Variants in FHOD3 observed in about 807,000 individuals in gnomAD.
The protein encoded by FHOD3 is FH1/FH2 domain-containing protein 3.
FHOD3 carries 90 observed loss-of-function variants against 173.0 expected under a neutral mutation model. The observed-to-expected ratio is 0.52, with a 90% confidence interval of 0.44 to 0.62. The LOEUF (loss-of-function observed/expected upper bound fraction) is 0.62. FHOD3 is among the 20% of genes least tolerant of loss of function. The pLI is 0.00. For synonymous variants in FHOD3, 828 were observed against 823.0 expected (o/e 1.01, Z -0.10); for missense variants, 1,945 against 2,034.7 (o/e 0.96, Z 0.85).
At chr18:36,357,610 C>G (rs936682318) in intron 2 of FHOD3, among the ~76,000 whole-genome samples, 1 of 152,214 alleles carries the variant, frequency 6.6e-6, no homozygotes, top group African/African-American at 2.4e-5. Flanking sequence ...CCAGATTCTA[C>G]TTATTGCTAT....
At chr18:36,599,289 C>G (rs185254164) in intron 7 of FHOD3, among the ~76,000 whole-genome samples, 2 of 152,164 alleles carry the variant, frequency 1.3e-5, no homozygotes, top group Non-Finnish European at 2.9e-5. Flanking sequence ...ACTAATCTGG[C>G]TCAGCAGAGC....
intron 3 of FHOD3, among the ~76,000 whole-genome samples, chr18:36,453,580 G>A (rs1483407673): frequency 6.6e-6 from 1 of 152,240 alleles, no homozygotes; most frequent in East Asian, 1.9e-4. Context: ...CCCCTGTGGG[G>A]ACATGAATGT....
At chr18:36,713,733 A>G (rs2040298263) in intron 18 of FHOD3, among the ~76,000 whole-genome samples, 1 of 152,218 alleles carries the variant, frequency 6.6e-6, no homozygotes, top group Admixed American at 6.5e-5. Context: ...AATTATATGA[A>G]TGTATTAAAT....
rs71168234 is a variant in FHOD3 at position 36,568,326 on chromosome 18, C to CAAA, written c.512-8086_512-8084dup. 8.3e-4 allele frequency among the ~76,000 whole-genome samples: 20 copies of CAAA among 24,064 alleles called. 4 individuals are homozygous for CAAA. Among genetic ancestry groups the CAAA allele is most frequent in the South Asian group, 2.7e-3 (2 of 734 alleles). The allele number at this position is 24,064 out of a possible 152,430, so 15.8% of individuals were successfully genotyped here. The stretch of plus-strand genomic sequence containing the variant: ...CTGGGCGACAGAGCAGACTCTGTCT[C>CAAA]AAAAAAAAAAAAAAAAAAAAAAAAA... On this transcript the variant is annotated intron_variant, in intron 5 of 28. Coordinates refer to ENST00000590592, the MANE Select transcript of FHOD3 (RefSeq NM_001281740.3).
At chr18:36,563,157 T>C (rs1361223691) in intron 5 of FHOD3, among the ~76,000 whole-genome samples, 1 of 152,220 alleles carries the variant, frequency 6.6e-6, no homozygotes, top group Non-Finnish European at 1.5e-5. Context: ...GTTGAAATCC[T>C]AAATAGAGAG....
At chr18:36,742,596 A>G (rs1360406790) in intron 21 of FHOD3, 141 bp from the exon 22 acceptor site, 9 of 897,120 alleles carry the variant, frequency 1.0e-5, no homozygotes, top group Non-Finnish European at 1.5e-5. Context: ...ACGTTTCCAT[A>G]CCTAGGAGCA....
intron 28 of FHOD3, among the ~76,000 whole-genome samples, chr18:36,770,396 A>G (rs1429270431): frequency 6.6e-6 from 1 of 152,200 alleles, no homozygotes; most frequent in Non-Finnish European, 1.5e-5. Flanking sequence ...GGAGGTGACC[A>G]GGGTGTGGCC....
chr18:36,444,210 AAAG>A (rs2051331923), intron 3 of FHOD3, among the ~76,000 whole-genome samples: 1 of 151,590 alleles, frequency 6.6e-6, no homozygotes, highest in Non-Finnish European at 1.5e-5. Flanking sequence ...AAAAAAAAAA[AAAG>A]AATTGTAAAT....
intron 3 of FHOD3, among the ~76,000 whole-genome samples, chr18:36,466,266 G>A (rs530585296): frequency 3.3e-5 from 5 of 152,212 alleles, no homozygotes; most frequent in Admixed American, 2.6e-4. Flanking sequence ...TCTGGGTTTC[G>A]CTATGAAACC....
chr18:36,576,593 T>G (rs1016830321), intron 6 of FHOD3, 48 bp downstream of exon 6: 2 of 1,446,794 alleles, frequency 1.4e-6, no homozygotes, highest in Admixed American at 2.0e-5. Flanking sequence ...TCATATCACT[T>G]GCCTTTCTTT....
At chr18:36,675,917 TCTA>T (rs1284714344) in intron 14 of FHOD3, among the ~76,000 whole-genome samples, 1 of 152,194 alleles carries the variant, frequency 6.6e-6, no homozygotes, top group Non-Finnish European at 1.5e-5. Flanking sequence ...GTTTCTGAAT[TCTA>T]GAACTGGATC....
At chr18:36,503,000 G>T (rs2055119324) in intron 4 of FHOD3, among the ~76,000 whole-genome samples, 1 of 152,134 alleles carries the variant, frequency 6.6e-6, no homozygotes, top group Non-Finnish European at 1.5e-5. Context: ...ATTGGCAGAT[G>T]GTTAATTTCC....
intron 2 of FHOD3, among the ~76,000 whole-genome samples, chr18:36,369,906 G>A (rs985329797): frequency 6.6e-6 from 1 of 152,130 alleles, no homozygotes; most frequent in African/African-American, 2.4e-5. Context: ...GGTGACCGTG[G>A]AATCAGATTC....
intron 3 of FHOD3, among the ~76,000 whole-genome samples, chr18:36,423,430 A>G (rs2050089198): frequency 1.3e-5 from 2 of 152,210 alleles, no homozygotes; most frequent in South Asian, 4.1e-4. Flanking sequence ...CACAAAAGCA[A>G]GGTCATCTAA....
chr18:36,436,319 AT>A (rs923402182), intron 3 of FHOD3, among the ~76,000 whole-genome samples: 2 of 152,030 alleles, frequency 1.3e-5, no homozygotes, highest in Admixed American at 6.6e-5. Flanking sequence ...CAGATTGTTG[AT>A]TTTTTTTATT....
chr18:36,737,265 A>T (rs566662465), intron 20 of FHOD3, among the ~76,000 whole-genome samples: 2 of 152,366 alleles, frequency 1.3e-5, no homozygotes, highest in South Asian at 4.1e-4. Context: ...TCACAGGAAG[A>T]TGTCTTCTGA....
intron 11 of FHOD3, among the ~76,000 whole-genome samples, chr18:36,649,833 A>G (rs1284431150): frequency 6.6e-6 from 1 of 152,206 alleles, no homozygotes; most frequent in African/African-American, 2.4e-5. Context: ...TGTGTGGATA[A>G]CTACTATATT....
At chr18:36,400,526 C>G (rs2048756040) in intron 3 of FHOD3, among the ~76,000 whole-genome samples, 1 of 152,178 alleles carries the variant, frequency 6.6e-6, no homozygotes, top group African/African-American at 2.4e-5. Context: ...CACCCAGAGG[C>G]TGAATTTTCC....
chr18:36,773,267 A>G (rs1233284018), intron 28 of FHOD3, among the ~76,000 whole-genome samples: 1 of 152,188 alleles, frequency 6.6e-6, no homozygotes, highest in African/African-American at 2.4e-5. Flanking sequence ...TCCCCCCCAC[A>G]GTGTCCGCCT....
Sources: gnomAD v4.1 joint callset for allele counts (sites outside exome capture counted in the v4.1 genomes callset) on GRCh38, gnomAD v4.1.1 for gene constraint, MANE v1.5 for transcripts, NCBI Gene and HGNC (gene_info 2026-07-23, HGNC 2026-07-21) for gene names.